Variants in ZNF740 observed in about 807,000 individuals in gnomAD.
ZNF740 encodes oriLyt TD-element-binding protein 7.
A neutral mutation model predicts 24.8 loss-of-function variants in ZNF740; 14 were observed. The ratio of observed to expected loss-of-function variants is 0.56; its 90% CI spans 0.37 to 0.88. ZNF740 has a LOEUF of 0.88. ZNF740 is among the 40% of genes least tolerant of loss of function. The pLI is 0.00. For synonymous variants in ZNF740, 69 were observed against 84.0 expected, an observed-to-expected ratio of 0.82 and a Z score of 0.98; for missense variants, 201 against 247.9, an observed-to-expected ratio of 0.81 and a Z score of 1.27.
rs759211981 is a variant in ZNF740 at position 53,192,947 on chromosome 12, CCACA to C, written c.*5364_*5367del. On this transcript the variant is annotated 3_prime_UTR_variant, in exon 7 of 7. Coordinates refer to ENST00000416904, the MANE Select transcript of ZNF740 (RefSeq NM_001004304.4). ...CCATGCAGAGGGTGACAACCATACT[CCACA>C]CACACAGTTGGCCATCATGTGGCAC... 1.0e-5 allele frequency: 16 copies of C among 1,590,314 alleles called. No individual in the cohort carries two copies. The highest frequency in any genetic ancestry group is 9.4e-5 in the African/African-American group (7 of 74,448).
chr12:53,193,232 C>G lies in ZNF740; in HGVS notation c.*5642C>G, dbSNP rs112135194. ...CTGTCCACTGCAGCTGCAGCGTCCACATTGACAGTGACCCTTTCCACTGCA... is the reference window on the plus strand; with the variant it reads ...CTGTCCACTGCAGCTGCAGCGTCCAGATTGACAGTGACCCTTTCCACTGCA... On this transcript the variant is annotated 3_prime_UTR_variant, in exon 7 of 7. Coordinates refer to ENST00000416904, the MANE Select transcript of ZNF740 (RefSeq NM_001004304.4). 2.5e-6 allele frequency: 4 copies of G among 1,614,192 alleles called. No individual in the cohort carries two copies. The highest frequency in any genetic ancestry group is 3.4e-6 in the Non-Finnish European group (4 of 1,180,034).
Position 53,185,971 on chromosome 12 carries a change from A to C in ZNF740, c.267A>C (p.Gln89His). 1 of 1,613,850 alleles carries C rather than the reference A, an allele frequency of 6.2e-7. No homozygotes were observed. The highest frequency in any genetic ancestry group is 8.5e-7 in the Non-Finnish European group (1 of 1,179,832). ...GCCCCCAGGTGGTGGTAGTGGAACA[A>C]AATGGTTCTTTTCAAGTAAAGATTC... ...KTVKKVVVVE[Q>H]NGSFQVKIPK... is the part of the protein sequence containing the mutation. The change falls in exon 5 of 7, where the codon CAA becomes CAC. Residue 89 changes from glutamine to histidine, a missense_variant. By Grantham distance (24) the Gln-to-His change is conservative. Coordinates refer to ENST00000416904, the MANE Select transcript of ZNF740 (RefSeq NM_001004304.4).
At chr12:53,185,088 GCT>G (rs776099250) in intron 3 of ZNF740, 48 bp downstream of exon 3, 8 of 1,608,612 alleles carry the variant, frequency 5.0e-6, no homozygotes. Flanking sequence ...GGTGGCCCAA[GCT>G]CTCTGCCAGG....
At chr12:53,181,287 C>G (rs1941617906) in intron 1 of ZNF740, 1 of 985,334 alleles carries the variant, frequency 1.0e-6, no homozygotes. Context: ...CTGCCCGCCA[C>G]CGAAGCACCC....
rs777486281 is a variant in ZNF740, at chr12:53,187,489, C to T, written c.493-12C>T. 1.9e-6 allele frequency: 3 copies of T among 1,613,342 alleles called. No homozygotes were observed. The highest frequency in any genetic ancestry group is 1.1e-5 in the South Asian group (1 of 91,010). On this transcript the variant is annotated splice_polypyrimidine_tract_variant and intron_variant, in intron 6 of 6. Transcript: ENST00000416904. ...TGTCTGCTCAGGCACTTAACCCTCC[C>T]TTTCTTCTCAGTGTTTTTCTCGGAC... is the stretch of plus-strand genomic sequence containing the variant.
intron 2 of ZNF740, among the ~76,000 whole-genome samples, chr12:53,184,136 TGTGTGTGTGTGTGTGC>T (rs904276928): frequency 1.5e-5 from 2 of 129,884 alleles, no homozygotes; most frequent in African/African-American, 3.5e-5. Context: ...TGTGTGTGTG[TGTGTGTGTGTGTGTGC>T]GCGCGCGCGC....
In ZNF740 at chr12:53,193,385, G is replaced by C. The variant is rs751310133; in HGVS notation, c.*5795G>C. 3 of 1,524,634 alleles carry C rather than the reference G, an allele frequency of 2.0e-6. No individual in the cohort carries two copies. The South Asian group carries it at 3.7e-5, about 19-fold the overall frequency. The allele number at this position is 1,524,634 out of a possible 1,614,324, so 94.4% of individuals were successfully genotyped here. A position where few individuals can be genotyped will look rare whatever the true frequency, so the allele number is the denominator to read the frequency against. ...ACAGCTGGAAGGGGAAGGCAAAGGA[G>C]AGAAGTAGGTCAGAGGGTTTGATCA... On this transcript the variant is annotated 3_prime_UTR_variant, in exon 7 of 7. Transcript: ENST00000416904.
At chr12:53,184,172 A>G (rs1303939734) in intron 2 of ZNF740, among the ~76,000 whole-genome samples, 1 of 105,704 alleles carries the variant, frequency 9.5e-6, no homozygotes, top group Non-Finnish European at 1.7e-5. Flanking sequence ...CTCTGAAGCT[A>G]AGGGGTGTGT....
rs1262464415 is a variant in ZNF740 at position 53,187,964 on chromosome 12, G to T, written c.*374G>T. The stretch of plus-strand genomic sequence containing the variant: ...TTGGGGAAGGGGATTTGTTTGTTCT[G>T]TTCTTGTTTTTGTTTATCCAAAAGC... On this transcript the variant is annotated 3_prime_UTR_variant, in exon 7 of 7. Coordinates refer to ENST00000416904, the MANE Select transcript of ZNF740 (RefSeq NM_001004304.4). 4.5e-6 allele frequency: 1 copy of T among 223,368 alleles called. No individual in the cohort carries two copies. Among genetic ancestry groups the T allele is most frequent in the Admixed American group, 5.1e-5 (1 of 19,438 alleles). 13.8% of individuals were successfully genotyped at this position (223,368 alleles called of 1,614,324 possible).
intron 6 of ZNF740, among the ~76,000 whole-genome samples, 152 bp from the exon 7 acceptor site, chr12:53,187,349 A>G (rs1941843046): frequency 6.6e-6 from 1 of 152,074 alleles, no homozygotes; most frequent in African/African-American, 2.4e-5. Flanking sequence ...CTGGCCTGAG[A>G]GCTTGGATTC....
intron 6 of ZNF740, 66 bp downstream of exon 6, chr12:53,186,575 T>A: frequency 7.6e-7 from 1 of 1,313,626 alleles, no homozygotes. Context: ...AGGGCCACCC[T>A]CCACTCCTGC....
Position 53,191,392 on chromosome 12 carries a change from A to G in ZNF740, c.*3802A>G, listed in dbSNP as rs930866608. On this transcript the variant is annotated 3_prime_UTR_variant, in exon 7 of 7. Transcript: ENST00000416904. ...TGGATGCAAGGTTGCAGGCATGGGA[A>G]GCAGCCCTCTTGGGTGTCACTCTGA... 1 of 648,592 alleles carries G rather than the reference A, an allele frequency of 1.5e-6. No individual in the cohort carries two copies. Among genetic ancestry groups the G allele is most frequent in the Non-Finnish European group, 2.8e-6 (1 of 358,450 alleles). 40.2% of individuals were successfully genotyped at this position (648,592 alleles called of 1,614,324 possible).
intron 4 of ZNF740, 128 bp downstream of exon 4, chr12:53,185,604 T>G: frequency 1.2e-6 from 1 of 827,952 alleles, no homozygotes; most frequent in Non-Finnish European, 1.9e-6. Context: ...AGTGAGTGAG[T>G]CCCCCAGATT....
chr12:53,183,158 C>T (rs1941728591), intron 2 of ZNF740, among the ~76,000 whole-genome samples: 1 of 152,222 alleles, frequency 6.6e-6, no homozygotes, highest in Non-Finnish European at 1.5e-5. Context: ...CACTTCTCAG[C>T]ATTGTATTCA....
At chr12:53,187,043 C>G (rs1460897300) in intron 6 of ZNF740, among the ~76,000 whole-genome samples, 2 of 152,188 alleles carry the variant, frequency 1.3e-5, no homozygotes, top group South Asian at 2.1e-4. Flanking sequence ...CTAACACTTC[C>G]TGGATGCATT....
At position 53,192,861 on chromosome 12, in the gene ZNF740, C is replaced by T. The variant is rs772827275; in HGVS notation, c.*5271C>T. ...CCCCACTGCATTCGCATGCTCTGCC[C>T]GTGCGGTTGGCATGACAGTGACATA... On this transcript the variant is annotated 3_prime_UTR_variant, in exon 7 of 7. Transcript: ENST00000416904. 31 of 1,614,054 alleles carry T rather than the reference C, an allele frequency of 1.9e-5. No homozygotes were observed. Among genetic ancestry groups the T allele is most frequent in the Admixed American group, 1.3e-4 (8 of 60,008 alleles).
At position 53,186,047 on chromosome 12, in the gene ZNF740, C is replaced by T. The variant is rs1941814862; in HGVS notation, c.343C>T (p.His115Tyr). ...HCFGAFRSSYHLKRHILIHTG... is the reference protein window; with the variant it reads ...HCFGAFRSSYYLKRHILIHTG... ...CTTTGGAGCCTTTCGGAGCAGTTAC[C>T]ACCTAAAGAGGCACATCCTTATTCA... The change falls in exon 5 of 7, where the codon CAC (histidine) becomes TAC (tyrosine). Residue 115 changes from histidine to tyrosine, a missense_variant. Coordinates refer to ENST00000416904, the MANE Select transcript of ZNF740 (RefSeq NM_001004304.4). The T allele has an allele frequency of 6.2e-7, 1 of 1,613,806 alleles. No individual in the cohort carries two copies. Among genetic ancestry groups the T allele is most frequent in the African/African-American group, 1.3e-5 (1 of 74,916 alleles).
Position 53,184,842 on chromosome 12 carries a change from T to TTGCCC in ZNF740, c.10-39_10-35dup, listed in dbSNP as rs746673585. 38 of 1,580,134 alleles carry TTGCCC rather than the reference T, an allele frequency of 2.4e-5. No individual in the cohort carries two copies. In the African/African-American group the frequency reaches 3.8e-4, roughly 16 times the overall value. The stretch of plus-strand genomic sequence containing the variant: ...TTCTATAGAGGATGGCAGTCTGTTT[T>TTGCCC]TGCCCTGCCCTGCCAGGTGACCTGA... On this transcript the variant is annotated intron_variant, in intron 2 of 6. Coordinates refer to ENST00000416904, the MANE Select transcript of ZNF740 (RefSeq NM_001004304.4).
rs1266333714 is a variant in ZNF740, at chr12:53,189,583, A to C, written c.*1993A>C. On this transcript the variant is annotated 3_prime_UTR_variant, in exon 7 of 7. Transcript: ENST00000416904. ...AGATCCTTTTGGGGAGACGCTGAGG[A>C]GTGTTTGCTGCCATGTACTCTTACA... is the stretch of plus-strand genomic sequence containing the variant. 1.3e-5 allele frequency: 2 copies of C among 151,956 alleles called. No individual in the cohort carries two copies. The highest frequency in any genetic ancestry group is 2.9e-5 in the Non-Finnish European group (2 of 68,010). The allele number at this position is 151,956 out of a possible 1,614,324, so 9.4% of individuals were successfully genotyped here.
Sources: gnomAD v4.1 joint callset for allele counts (sites outside exome capture counted in the v4.1 genomes callset) on GRCh38, gnomAD v4.1.1 for gene constraint, MANE v1.5 for transcripts, NCBI Gene and HGNC (gene_info 2026-07-23, HGNC 2026-07-21) for gene names.